Variants in ATRN observed in about 807,000 individuals in gnomAD.
The protein encoded by ATRN is attractin-2.
A neutral mutation model predicts 178.7 loss-of-function variants in ATRN; 54 were observed. The ratio of observed to expected loss-of-function variants is 0.30; its 90% CI spans 0.24 to 0.38. ATRN has a LOEUF of 0.38. Among genes scored for constraint, ATRN ranks in the 10% least tolerant of loss-of-function variants. The pLI, the probability that ATRN is intolerant of heterozygous loss-of-function variation, is 1.00. For synonymous variants in ATRN, 636 were observed against 663.0 expected, an observed-to-expected ratio of 0.96 and a Z score of 0.63; for missense variants, 1,443 against 1,815.1, an observed-to-expected ratio of 0.79 and a Z score of 3.73.
At chr20:3,569,176 A>G (rs2086080497) in intron 11 of ATRN, among the ~76,000 whole-genome samples, 1 of 152,220 alleles carries the variant, frequency 6.6e-6, no homozygotes, top group Non-Finnish European at 1.5e-5. Flanking sequence ...ATCTGCAGAT[A>G]TGGTCATGTG....
intron 1 of ATRN, among the ~76,000 whole-genome samples, chr20:3,523,180 G>A (rs997415269): frequency 3.3e-5 from 5 of 151,842 alleles, no homozygotes; most frequent in African/African-American, 4.8e-5. Flanking sequence ...AAAGGTTAGG[G>A]CAATTGCTAA....
At chr20:3,587,019 C>T (rs2086367548) in intron 18 of ATRN, among the ~76,000 whole-genome samples, 1 of 152,090 alleles carries the variant, frequency 6.6e-6, no homozygotes, top group Non-Finnish European at 1.5e-5. Context: ...CATTAGTTAG[C>T]CTTTTGTATA....
chr20:3,540,219 C>T lies in ATRN; in HGVS notation c.495-3C>T. 1.3e-6 allele frequency: 2 copies of T among 1,530,022 alleles called. No individual in the cohort carries two copies. The highest frequency in any genetic ancestry group is 2.3e-5 in the East Asian group (1 of 43,744). The allele number at this position is 1,530,022 out of a possible 1,614,324, so 94.8% of individuals were successfully genotyped here. A position where few individuals can be genotyped will look rare whatever the true frequency, so the allele number is the denominator to read the frequency against. ...TATAAATTACTTTTTTTATTCTTTT[C>T]AGGCCAAATAGAATAATGAGACTTC... On this transcript the variant is annotated splice_polypyrimidine_tract_variant and splice_region_variant and intron_variant, in intron 2 of 28. Coordinates refer to ENST00000262919, the MANE Select transcript of ATRN (RefSeq NM_139321.3).
intron 11 of ATRN, among the ~76,000 whole-genome samples, chr20:3,571,884 GT>G (rs1404036680): frequency 6.6e-6 from 1 of 151,174 alleles, no homozygotes; most frequent in Non-Finnish European, 1.5e-5. Flanking sequence ...TTTTAAGTCA[GT>G]TTTTTTTCAC....
chr20:3,548,960 ATAG>A (rs2085747262), intron 5 of ATRN, among the ~76,000 whole-genome samples: 1 of 152,238 alleles, frequency 6.6e-6, no homozygotes, highest in Admixed American at 6.5e-5. Flanking sequence ...TAACCTGGAT[ATAG>A]TCAAGTCATC....
At chr20:3,531,251 A>C (rs1489847100) in intron 1 of ATRN, among the ~76,000 whole-genome samples, 1 of 152,230 alleles carries the variant, frequency 6.6e-6, no homozygotes, top group Non-Finnish European at 1.5e-5. Flanking sequence ...AGGAACACCT[A>C]GTGCTGAGAG....
chr20:3,634,340 C>T lies in ATRN; in HGVS notation c.3893C>T (p.Ala1298Val). The T allele has an allele frequency of 6.2e-7, 1 of 1,612,818 alleles. No homozygotes were observed. Among genetic ancestry groups the T allele is most frequent in the Non-Finnish European group, 8.5e-7 (1 of 1,179,020 alleles). ...TTCCTCTCTTTGCTCCTGGTGGCTG[C>T]TGTGGTTTGGAAGATCAAACAAAGT... ...SCFLSLLLVA[A>V]VVWKIKQSCW... Residue 1298 changes from alanine to valine, a missense_variant, in exon 26 of 29, where the codon GCT (alanine) becomes GTT (valine). Ala to Val is a moderately conservative substitution (Grantham distance 64). Around this residue, in one of 4 missense-constraint regions of ATRN, gnomAD observed 289 missense variants for 440.8 expected, o/e 0.66. Transcript: ENST00000262919.
At chr20:3,594,817 C>G (rs1247112621) in intron 20 of ATRN, among the ~76,000 whole-genome samples, 2 of 152,174 alleles carry the variant, frequency 1.3e-5, no homozygotes, top group Non-Finnish European at 2.9e-5. Context: ...TTAAATGATA[C>G]TGACATTTCC....
At position 3,647,433 on chromosome 20, in the gene ATRN, G is replaced by A. The variant is rs1021533169; in HGVS notation, c.*586G>A. The stretch of plus-strand genomic sequence containing the variant: ...TTGATCATATCAAGCTAGGATAGAA[G>A]GGGGGCTATTTTAAATGTCAAGGTC... On this transcript the variant is annotated 3_prime_UTR_variant, in exon 29 of 29. Coordinates refer to ENST00000262919, the MANE Select transcript of ATRN (RefSeq NM_139321.3). 6.5e-6 allele frequency: 1 copy of A among 152,740 alleles called. No homozygotes were observed. Among genetic ancestry groups the A allele is most frequent in the Admixed American group, 6.5e-5 (1 of 15,292 alleles). 9.5% of individuals were successfully genotyped at this position (152,740 alleles called of 1,614,324 possible).
chr20:3,642,346 A>G (rs2087075810), intron 27 of ATRN, among the ~76,000 whole-genome samples: 1 of 152,196 alleles, frequency 6.6e-6, no homozygotes, highest in South Asian at 2.1e-4. Flanking sequence ...TGAGCTTTGG[A>G]TGTTTATTTC....
chr20:3,599,581 C>A (rs1413585675), intron 22 of ATRN, among the ~76,000 whole-genome samples: 1 of 152,186 alleles, frequency 6.6e-6, no homozygotes, highest in Non-Finnish European at 1.5e-5. Flanking sequence ...GATCCACTTA[C>A]ACGTAGACTT....
intron 19 of ATRN, among the ~76,000 whole-genome samples, chr20:3,591,596 C>T (rs1333990568): frequency 6.6e-6 from 1 of 152,162 alleles, no homozygotes; most frequent in Non-Finnish European, 1.5e-5. Flanking sequence ...TGTTTCCTTT[C>T]CTCCCATTGA....
intron 1 of ATRN, among the ~76,000 whole-genome samples, chr20:3,481,641 T>G (rs997562390): frequency 6.0e-5 from 9 of 149,222 alleles, no homozygotes; most frequent in Non-Finnish European, 1.2e-4. Flanking sequence ...CCACCATGCT[T>G]GGACCCTTTA....
intron 1 of ATRN, among the ~76,000 whole-genome samples, chr20:3,512,054 G>A (rs923548235): frequency 5.6e-5 from 8 of 142,160 alleles, no homozygotes; most frequent in African/African-American, 2.1e-4. Context: ...TTTTTGGAAG[G>A]CCTGCACTGG....
chr20:3,523,397 C>T (rs1219609352), intron 1 of ATRN, among the ~76,000 whole-genome samples: 1 of 151,974 alleles, frequency 6.6e-6, no homozygotes, highest in Non-Finnish European at 1.5e-5. Context: ...AACAAAGCCT[C>T]CAAGAAATAT....
chr20:3,619,701 G>C (rs2086881779), intron 24 of ATRN, among the ~76,000 whole-genome samples: 1 of 152,174 alleles, frequency 6.6e-6, no homozygotes, highest in African/African-American at 2.4e-5. Context: ...TACTTAATTA[G>C]AAATTCATTC....
intron 1 of ATRN, among the ~76,000 whole-genome samples, chr20:3,492,873 A>G (rs420524): frequency 0.13 from 15,465 of 121,454 alleles, 1,098 homozygotes; most frequent in African/African-American, 0.23. Context: ...GCGCGTGCGC[A>G]CGCACACACA....
chr20:3,497,816 G>A (rs974695159), intron 1 of ATRN, among the ~76,000 whole-genome samples: 1 of 151,992 alleles, frequency 6.6e-6, no homozygotes, highest in Non-Finnish European at 1.5e-5. Flanking sequence ...ACGTAGACTT[G>A]GTCTTTTCAC....
intron 22 of ATRN, among the ~76,000 whole-genome samples, chr20:3,599,291 G>A (rs2086573749): frequency 6.6e-6 from 1 of 152,030 alleles, no homozygotes; most frequent in Admixed American, 6.6e-5. Context: ...AGCGTTTGAA[G>A]TGCTCAAAAT....
Sources: allele counts gnomAD v4.1 joint callset (sites outside exome capture counted in the v4.1 genomes callset), GRCh38; gene constraint gnomAD v4.1.1; regional missense constraint gnomAD v4.1.1; transcripts MANE v1.5; gene names NCBI Gene and HGNC (gene_info 2026-07-23, HGNC 2026-07-21).